Variants in ZBTB6 observed in about 807,000 individuals in gnomAD.
ZBTB6 encodes the protein zinc finger and BTB domain-containing protein 6.
In ZBTB6, 11 loss-of-function variants were observed where a neutral mutation model predicts 30.6. The observed-to-expected ratio is 0.36, with a 90% CI of 0.23 to 0.60. The LOEUF is 0.60. ZBTB6 is among the 20% of genes least tolerant of loss of function. The pLI, the probability that ZBTB6 is intolerant of heterozygous loss-of-function variation, is 0.75. For synonymous variants in ZBTB6, 174 were observed against 172.0 expected, an observed-to-expected ratio of 1.01 and a Z score of -0.09; for missense variants, 380 against 489.4, an observed-to-expected ratio of 0.78 and a Z score of 2.11.
Position 122,911,696 on chromosome 9 carries a change from T to C in ZBTB6, c.377A>G (p.Tyr126Cys), listed in dbSNP as rs1242592977. 3.7e-6 allele frequency: 6 copies of C among 1,614,042 alleles called. No individual in the cohort carries two copies. The highest frequency in any genetic ancestry group is 2.2e-5 in the East Asian group (1 of 44,880). ...VEKCTEALSK[Y>C]LEIDLSMKNN... The stretch of plus-strand genomic sequence containing the variant: ...TTTCATAGAAAGATCAATTTCCAGA[T>C]ACTTTGACAAAGCTTCTGTGCACTT... Residue 126 changes from tyrosine to cysteine, a missense_variant, in exon 2 of 2, where the codon TAT becomes TGT. Transcript: ENST00000373659. The surrounding 1 kb of genome is among the most constrained non-coding windows in gnomAD (Gnocchi z 4.5).
chr9:122,913,132 C>T, intron 1 of ZBTB6, 119 bp downstream of exon 1: 7 of 464,518 alleles, frequency 1.5e-5, no homozygotes, highest in Non-Finnish European at 2.0e-5. Flanking sequence ...AAGGCCCTGT[C>T]GGCCCAGTGG....
In ZBTB6 at chr9:122,913,239, GCACT is replaced by G. The variant is rs1372153202; in HGVS notation, c.-10+8_-10+11del. 2.3e-5 allele frequency: 23 copies of G among 986,242 alleles called. No homozygotes were observed. The highest frequency in any genetic ancestry group is 1.8e-4 in the Admixed American group (3 of 16,298). 61.1% of individuals were successfully genotyped at this position (986,242 alleles called of 1,614,324 possible). On this transcript the variant is annotated splice_region_variant and intron_variant, in intron 1 of 1. Transcript: ENST00000373659. ...ACCCTCCACCTGAGGAATCTACTTT[GCACT>G]CACTCACCGACTCAGAAAACTAGAG... is the stretch of plus-strand genomic sequence containing the variant.
chr9:122,911,393 G>T lies in ZBTB6; in HGVS notation c.680C>A (p.Thr227Lys), dbSNP rs972099981. The change falls in exon 2 of 2, where the codon ACA becomes AAA. Residue 227 changes from threonine to lysine, a missense_variant. Thr to Lys is a moderately conservative substitution (Grantham distance 78, BLOSUM62 -1). Transcript: ENST00000373659. The surrounding 1 kb of genome is among the most constrained non-coding windows in gnomAD (Gnocchi z 4.5). The part of the protein sequence containing the change: ...ICILHVESIS[T>K]AGVENGQFSQ... ...AAACTGCCCATTTTCGACACCAGCT[G>T]TACTGATGGATTCTACATGAAGGAT... 6.2e-7 allele frequency: 1 copy of T among 1,614,110 alleles called. No individual in the cohort carries two copies. The highest frequency in any genetic ancestry group is 1.3e-5 in the African/African-American group (1 of 75,048).
Position 122,911,465 on chromosome 9 carries a change from G to A in ZBTB6, c.608C>T (p.Pro203Leu). ...LTSERKEMKSPELSTVDIGFK... is the reference protein window; with the variant it reads ...LTSERKEMKSLELSTVDIGFK... ...ACCTATGTCTACTGTAGACAGCTCTGGTGACTTCATTTCCTTTCTCTCTGA... is the reference window on the plus strand; with the variant it reads ...ACCTATGTCTACTGTAGACAGCTCTAGTGACTTCATTTCCTTTCTCTCTGA... The change falls in exon 2 of 2, where the codon CCA becomes CTA. Residue 203 changes from proline (P) to leucine (L), a missense_variant. Pro to Leu is a moderately conservative substitution (Grantham distance 98). Coordinates refer to ENST00000373659, the MANE Select transcript of ZBTB6 (RefSeq NM_006626.6). The surrounding 1 kb of genome is among the most constrained non-coding windows in gnomAD (Gnocchi z 4.5). 2 of 1,614,072 alleles carry A rather than the reference G, an allele frequency of 1.2e-6. No homozygotes were observed. Among genetic ancestry groups the A allele is most frequent in the Middle Eastern group, 1.6e-4 (1 of 6,062 alleles).
chr9:122,909,344 T>C lies in ZBTB6; in HGVS notation c.*1454A>G, dbSNP rs908231911. 1 of 152,228 alleles carries C rather than the reference T, an allele frequency of 6.6e-6. No individual in the cohort carries two copies. Among genetic ancestry groups the C allele is most frequent in the African/African-American group, 2.4e-5 (1 of 41,460 alleles). The allele number at this position is 152,228 out of a possible 1,614,324, so 9.4% of individuals were successfully genotyped here. ...GAAAGATGCATCTAGTCAGTCTTCT[T>C]TACGAAAAGCAGTTCCTGTGTTTTA... is the stretch of plus-strand genomic sequence containing the variant. On this transcript the variant is annotated 3_prime_UTR_variant, in exon 2 of 2. Transcript: ENST00000373659.
At position 122,911,362 on chromosome 9, in the gene ZBTB6, C is replaced by G; in HGVS notation, c.711G>C (p.Gln237His). The G allele has an allele frequency of 6.2e-7, 1 of 1,614,122 alleles. No individual in the cohort carries two copies. Among genetic ancestry groups the G allele is most frequent in the Non-Finnish European group, 8.5e-7 (1 of 1,180,042 alleles). ...TGCTTGCTTTTGAAGAGGTACAAGGCTGTGAAAACTGCCCATTTTCGACAC... is the reference window on the plus strand; with the variant it reads ...TGCTTGCTTTTGAAGAGGTACAAGGGTGTGAAAACTGCCCATTTTCGACAC... The part of the protein sequence containing the change: ...TAGVENGQFS[Q>H]PCTSSKASMY... The change falls in exon 2 of 2, where the codon CAG (glutamine) becomes CAC (histidine). Residue 237 changes from glutamine to histidine, a missense_variant. Transcript: ENST00000373659. This position sits in a 1 kb window ranked among gnomAD's most constrained non-coding sequence, Gnocchi z 4.5.
chr9:122,913,006 T>C (rs1832969077), intron 1 of ZBTB6, among the ~76,000 whole-genome samples: 1 of 152,236 alleles, frequency 6.6e-6, no homozygotes, highest in Non-Finnish European at 1.5e-5. Context: ...TCTGTGTTCC[T>C]GCACCGAGCT....
chr9:122,912,128 G>A (rs747476479), intron 1 of ZBTB6, 47 bp from the exon 2 acceptor site: 9 of 1,526,100 alleles, frequency 5.9e-6, no homozygotes, highest in Middle Eastern at 1.9e-4. Context: ...GATAGGGAAT[G>A]CTTTCCCATG....
chr9:122,911,572 T>C lies in ZBTB6; in HGVS notation c.501A>G (p.Ser167=), dbSNP rs970576802. 2 of 1,613,736 alleles carry C rather than the reference T, an allele frequency of 1.2e-6. No individual in the cohort carries two copies. The highest frequency in any genetic ancestry group is 1.3e-5 in the African/African-American group (1 of 74,942). Residue 167 remains serine, a synonymous_variant, in exon 2 of 2, where the codon TCA becomes TCG. Transcript: ENST00000373659. The surrounding 1 kb of genome is among the most constrained non-coding windows in gnomAD (Gnocchi z 4.5). ...AATCTATGTTTACAGGACTATCTTC[T>C]GAAATTTCAATTATCTCACAGTCTT... ...SDKDCEIIEI[S]EDSPVNIDFH...
In ZBTB6 at chr9:122,908,728, C is replaced by T. The variant is rs1656464965; in HGVS notation, c.*2070G>A. 1 of 151,966 alleles carries T rather than the reference C, an allele frequency of 6.6e-6. No individual in the cohort carries two copies. Among genetic ancestry groups the T allele is most frequent in the African/African-American group, 2.4e-5 (1 of 41,352 alleles). 9.4% of individuals were successfully genotyped at this position (151,966 alleles called of 1,614,324 possible). ...AAATATTTTCACACCAACAAATGGC[C>T]AATCTTAGGTCAAATGGAAGCAATG... On this transcript the variant is annotated 3_prime_UTR_variant, in exon 2 of 2. Transcript: ENST00000373659.
At chr9:122,912,213 T>C (rs1322812326) in intron 1 of ZBTB6, 132 bp from the exon 2 acceptor site, 11 of 806,752 alleles carry the variant, frequency 1.4e-5, no homozygotes, top group Non-Finnish European at 1.2e-5. Flanking sequence ...AATGTAGGTG[T>C]TATGAACCTT....
chr9:122,909,593 G>A lies in ZBTB6; in HGVS notation c.*1205C>T, dbSNP rs895272886. ...AGATTTTTATCAACACATAGTGAAT[G>A]GAAATTACATTAATGTAAATGAAAA... On this transcript the variant is annotated 3_prime_UTR_variant, in exon 2 of 2. Coordinates refer to ENST00000373659, the MANE Select transcript of ZBTB6 (RefSeq NM_006626.6). 3.9e-5 allele frequency: 6 copies of A among 151,958 alleles called. No individual in the cohort carries two copies. Among genetic ancestry groups the A allele is most frequent in the Non-Finnish European group, 5.9e-5 (4 of 67,992 alleles). The allele number at this position is 151,958 out of a possible 1,614,324, so 9.4% of individuals were successfully genotyped here. A position where few individuals can be genotyped will look rare whatever the true frequency, so the allele number is the denominator to read the frequency against.
rs1588126496 is a variant in ZBTB6, at chr9:122,912,160, A to C, written c.-9-79T>G. On this transcript the variant is annotated intron_variant, in intron 1 of 1. Coordinates refer to ENST00000373659, the MANE Select transcript of ZBTB6 (RefSeq NM_006626.6). Reference sequence around the variant, plus strand: ...CATGCTGTAATGGTGAAAACAAACGAAAAACCCCAAACCTGAATTAGGAAG... The same window carrying C: ...CATGCTGTAATGGTGAAAACAAACGCAAAACCCCAAACCTGAATTAGGAAG... The C allele has an allele frequency of 6.5e-6, 9 of 1,383,222 alleles. 1 individual carries two copies. In the East Asian group the frequency reaches 2.1e-4, roughly 32 times the overall value. The allele number at this position is 1,383,222 out of a possible 1,614,324, so 85.7% of individuals were successfully genotyped here. A position where few individuals can be genotyped will look rare whatever the true frequency, so the allele number is the denominator to read the frequency against.
Position 122,911,037 on chromosome 9 carries a change from G to A in ZBTB6, c.1036C>T (p.Arg346Ter), listed in dbSNP as rs774441746. The A allele has an allele frequency of 5.0e-6, 8 of 1,614,064 alleles. No homozygotes were observed. Among genetic ancestry groups the A allele is most frequent in the Admixed American group, 3.3e-5 (2 of 59,996 alleles). Residue 346 changes from arginine (R) to a stop codon, truncating the protein, a stop_gained, in exon 2 of 2, where the codon CGA becomes TGA. Coordinates refer to ENST00000373659, the MANE Select transcript of ZBTB6 (RefSeq NM_006626.6). LOFTEE classifies it high-confidence loss of function. The surrounding 1 kb of genome is among the most constrained non-coding windows in gnomAD (Gnocchi z 4.5). ...AAGGGCCGTATGCCCATGTGTCCTC[G>A]GATGTGTCGGTTGAGATTTTTCTTC... The part of the protein sequence containing the change: ...TQKKNLNRHI[R>*]GHMGIRPFQC...
chr9:122,911,145 A>G lies in ZBTB6; in HGVS notation c.928T>C (p.Phe310Leu). ...CGCAGATAGTTTTCAACATGAAGAA[A>G]GCCTCGAGGACACCTGGGGCACTGG... ...RHQCPRCPRGFLHVENYLRHL... is the reference protein window; with the variant it reads ...RHQCPRCPRGLLHVENYLRHL... Residue 310 changes from phenylalanine to leucine, a missense_variant, in exon 2 of 2, where the codon TTT (phenylalanine) becomes CTT (leucine). By Grantham distance (22) the Phe-to-Leu change is conservative. Coordinates refer to ENST00000373659, the MANE Select transcript of ZBTB6 (RefSeq NM_006626.6). This position sits in a 1 kb window ranked among gnomAD's most constrained non-coding sequence, Gnocchi z 4.5. 6.2e-7 allele frequency: 1 copy of G among 1,614,218 alleles called. No individual in the cohort carries two copies. The highest frequency in any genetic ancestry group is 8.5e-7 in the Non-Finnish European group (1 of 1,180,050).
chr9:122,911,460 G>A lies in ZBTB6; in HGVS notation c.613C>T (p.Leu205=), dbSNP rs765180166. The A allele has an allele frequency of 1.9e-6, 3 of 1,614,054 alleles. No homozygotes were observed. In the Admixed American group the frequency reaches 5.0e-5, roughly 27 times the overall value. The change falls in exon 2 of 2, where the codon CTG becomes TTG. Residue 205 remains leucine (L), a synonymous_variant. Transcript: ENST00000373659. The surrounding 1 kb of genome is among the most constrained non-coding windows in gnomAD (Gnocchi z 4.5). ...SERKEMKSPE[L]STVDIGFKDN... ...TTAAAACCTATGTCTACTGTAGACA[G>A]CTCTGGTGACTTCATTTCCTTTCTC... is the stretch of plus-strand genomic sequence containing the variant.
In ZBTB6 at chr9:122,908,848, G is replaced by A. The variant is rs1832926984; in HGVS notation, c.*1950C>T. ...ATTATGTCTCCAATGGAGTACTTAA[G>A]TAACAAAGTTCATAAAGACACAAAA... On this transcript the variant is annotated 3_prime_UTR_variant, in exon 2 of 2. Transcript: ENST00000373659. The A allele has an allele frequency of 6.6e-6, 1 of 152,158 alleles. No homozygotes were observed. Among genetic ancestry groups the A allele is most frequent in the Non-Finnish European group, 1.5e-5 (1 of 68,028 alleles). 9.4% of individuals were successfully genotyped at this position (152,158 alleles called of 1,614,324 possible).
chr9:122,910,978 G>C lies in ZBTB6; in HGVS notation c.1095C>G (p.Ala365=), dbSNP rs548702727. 1.2e-6 allele frequency: 2 copies of C among 1,614,180 alleles called. No homozygotes were observed. The highest frequency in any genetic ancestry group is 2.2e-5 in the South Asian group (2 of 91,086). ...QCTVCLKTFT[A]KSTLQDHLNI... ...TCAAGTGGTCCTGAAGTGTGCTTTTGGCAGTAAATGTCTTCAAGCACACAG... is the reference window on the plus strand; with the variant it reads ...TCAAGTGGTCCTGAAGTGTGCTTTTCGCAGTAAATGTCTTCAAGCACACAG... The change falls in exon 2 of 2, where the codon GCC becomes GCG. Residue 365 remains alanine (A), a synonymous_variant. Coordinates refer to ENST00000373659, the MANE Select transcript of ZBTB6 (RefSeq NM_006626.6).
rs1564331654 is a variant in ZBTB6, at chr9:122,911,059, CT to C, written c.1013del (p.Lys338ArgfsTer23). 1 of 1,614,168 alleles carries C rather than the reference CT, an allele frequency of 6.2e-7. No individual in the cohort carries two copies. The highest frequency in any genetic ancestry group is 8.5e-7 in the Non-Finnish European group (1 of 1,180,030). On this transcript the variant is annotated frameshift_variant, in exon 2 of 2. Transcript: ENST00000373659. LOFTEE classifies it high-confidence loss of function. The surrounding 1 kb of genome is among the most constrained non-coding windows in gnomAD (Gnocchi z 4.5). ...CLQCGKTFTQ[K>X]KNLNRHIRGH... is the part of the protein sequence containing the mutation. Reference sequence around the variant, plus strand: ...CTCGGATGTGTCGGTTGAGATTTTTCTTCTGTGTAAATGTTTTTCCGCACTG... The same window carrying C: ...CTCGGATGTGTCGGTTGAGATTTTTCTCTGTGTAAATGTTTTTCCGCACTG...
Sources: gnomAD v4.1 joint callset for allele counts (sites outside exome capture counted in the v4.1 genomes callset) on GRCh38, gnomAD v4.1.1 for gene constraint, Gnocchi (gnomAD v3.1) non-coding constraint, MANE v1.5 for transcripts, NCBI Gene and HGNC (gene_info 2026-07-23, HGNC 2026-07-21) for gene names.